PPL: variants seen among roughly 807,000 people sequenced by gnomAD.
The protein encoded by PPL is 190 kDa paraneoplastic pemphigus antigen.
In PPL, 198 loss-of-function variants were observed where a neutral mutation model predicts 194.4. The observed-to-expected ratio is 1.02, with a 90% confidence interval of 0.91 to 1.15. The LOEUF (loss-of-function observed/expected upper bound fraction) is 1.15. Among genes scored for constraint, PPL ranks in the 50% most tolerant of loss-of-function variants. The pLI, the probability that PPL is intolerant of heterozygous loss-of-function variation, is 0.00. For missense variants in PPL, 2,885 were observed against 2,294.8 expected, an observed-to-expected ratio of 1.26 and a Z score of -5.25; for synonymous variants, 1,220 against 972.4, an observed-to-expected ratio of 1.25 and a Z score of -4.74.
In PPL at chr16:4,884,448, G is replaced by C; in HGVS notation, c.4207C>G (p.Leu1403Val). ...QRRRTELERQ[L>V]EELERERQAR... Reference sequence around the variant, plus strand: ...TGCCGCTCGCGCTCTAGCTCCTCCAGCTGCCGCTCAAGCTCGGTGCGCCGG... The same window carrying C: ...TGCCGCTCGCGCTCTAGCTCCTCCACCTGCCGCTCAAGCTCGGTGCGCCGG... Residue 1403 changes from leucine (L) to valine (V), a missense_variant, in exon 22 of 22, where the codon CTG (leucine) becomes GTG (valine). Physicochemically the swap from Leu to Val is conservative, Grantham distance 32. Coordinates refer to ENST00000345988, the MANE Select transcript of PPL (RefSeq NM_002705.5). The surrounding 1 kb of genome is among the most constrained non-coding windows in gnomAD (Gnocchi z 5.7). 1.9e-6 allele frequency: 3 copies of C among 1,601,868 alleles called. No homozygotes were observed. Among genetic ancestry groups the C allele is most frequent in the Non-Finnish European group, 2.5e-6 (3 of 1,176,966 alleles).
At chr16:4,935,534 G>A (rs939499886) in intron 1 of PPL, among the ~76,000 whole-genome samples, 2 of 152,210 alleles carry the variant, frequency 1.3e-5, no homozygotes, top group African/African-American at 4.8e-5. Flanking sequence ...ATGGAGGAGG[G>A]GTGTGCAGGC....
At chr16:4,905,694 C>T (rs995799182) in intron 2 of PPL, among the ~76,000 whole-genome samples, 1 of 152,192 alleles carries the variant, frequency 6.6e-6, no homozygotes, top group African/African-American at 2.4e-5. Flanking sequence ...AAAGACTTGG[C>T]TTCTTCTTGG....
Position 4,884,115 on chromosome 16 carries a change from G to A in PPL, c.4540C>T (p.Gln1514Ter). 1 of 1,612,274 alleles carries A rather than the reference G, an allele frequency of 6.2e-7. No individual in the cohort carries two copies. The highest frequency in any genetic ancestry group is 8.5e-7 in the Non-Finnish European group (1 of 1,179,868). The change falls in exon 22 of 22, where the codon CAA becomes TAA. Residue 1514 changes from glutamine (Q) to a stop codon, truncating the protein, a stop_gained. Coordinates refer to ENST00000345988, the MANE Select transcript of PPL (RefSeq NM_002705.5). LOFTEE classifies it high-confidence loss of function. This position sits in a 1 kb window ranked among gnomAD's most constrained non-coding sequence, Gnocchi z 5.7. The part of the protein sequence containing the change: ...SVQVEKGDTE[Q>*]EIQRLKSSLE... ...CTGCTCTTGAGCCTCTGGATCTCTT[G>A]CTCGGTGTCGCCCTTCTCCACCTGG... is the stretch of plus-strand genomic sequence containing the variant.
In PPL at chr16:4,889,241, G is replaced by GGTTTTTTTTTTTTTTTTTTT. The variant is rs1442783436; in HGVS notation, c.2314-181_2314-180insAAAAAAAAAAAAAAAAAAAC. Among the ~76,000 whole-genome samples the GGTTTTTTTTTTTTTTTTTTT allele has an allele frequency of 3.0e-4, 20 of 66,634 alleles. 1 individual carries two copies. The highest frequency in any genetic ancestry group is 1.2e-3 in the South Asian group (2 of 1,684). The allele number at this position is 66,634 out of a possible 152,430, so 43.7% of individuals were successfully genotyped here. On this transcript the variant is annotated intron_variant, in intron 18 of 21. Transcript: ENST00000345988. The stretch of plus-strand genomic sequence containing the variant: ...AAAAGGCAGTTTTTTTGTTGTTGTT[G>GGTTTTTTTTTTTTTTTTTTT]TTTTTTTTTTTTTTTTTTTTTTTTT...
chr16:4,926,743 G>A (rs757749354), intron 1 of PPL, among the ~76,000 whole-genome samples: 77 of 152,000 alleles, frequency 5.1e-4, no homozygotes, highest in Admixed American at 5.2e-4. Flanking sequence ...GCCGGGCGTG[G>A]TGGCAGGCGT....
chr16:4,934,292 G>C (rs2089264348), intron 1 of PPL, among the ~76,000 whole-genome samples: 1 of 152,116 alleles, frequency 6.6e-6, no homozygotes, highest in East Asian at 1.9e-4. Flanking sequence ...AACTGGAAGG[G>C]GTGGCTTTCT....
chr16:4,896,430 A>G (rs1003462395), intron 9 of PPL, among the ~76,000 whole-genome samples: 1 of 152,212 alleles, frequency 6.6e-6, no homozygotes. Context: ...AAAATGCTAC[A>G]ACACGGATGA....
In PPL at chr16:4,885,128, T is replaced by TCC. The variant is rs1237472596; in HGVS notation, c.3525_3526dup (p.Glu1176GlyfsTer57). The TCC allele has an allele frequency of 1.9e-6, 3 of 1,613,858 alleles. No homozygotes were observed. Among genetic ancestry groups the TCC allele is most frequent in the African/African-American group, 1.3e-5 (1 of 74,896 alleles). ...CGCCTTGGGGTCTGGCCGCACGATC[T>TCC]CCCGCACCTTCTCCTGCACCACCAC... On this transcript the variant is annotated frameshift_variant, in exon 22 of 22. Coordinates refer to ENST00000345988, the MANE Select transcript of PPL (RefSeq NM_002705.5). LOFTEE classifies it high-confidence loss of function. This position sits in a 1 kb window ranked among gnomAD's most constrained non-coding sequence, Gnocchi z 6.3.
At chr16:4,898,620 G>A (rs139766893) in intron 8 of PPL, among the ~76,000 whole-genome samples, 16 of 152,222 alleles carry the variant, frequency 1.1e-4, no homozygotes, top group South Asian at 2.1e-4. Context: ...CCCAGAAGCC[G>A]GAAGAGCAAG....
chr16:4,913,790 G>C (rs556835504), intron 1 of PPL, among the ~76,000 whole-genome samples: 9 of 152,196 alleles, frequency 5.9e-5, no homozygotes, highest in Middle Eastern at 3.2e-3. Flanking sequence ...TAGCTCCCCT[G>C]TCTCCACTGA....
rs559992424 is a variant in PPL at position 4,900,698 on chromosome 16, A to G, written c.606+132T>C. On this transcript the variant is annotated intron_variant, in intron 6 of 21. Coordinates refer to ENST00000345988, the MANE Select transcript of PPL (RefSeq NM_002705.5). The stretch of plus-strand genomic sequence containing the variant: ...AGTGATCCTCCTGCCTCTGCCTCCC[A>G]AAGTGCTAGGCGTGAGCCACCATGC... 5.5e-6 allele frequency: 7 copies of G among 1,274,100 alleles called. No homozygotes were observed. In the Admixed American group the frequency reaches 7.6e-5, roughly 14 times the overall value. 78.9% of individuals were successfully genotyped at this position (1,274,100 alleles called of 1,614,324 possible).
chr16:4,897,126 G>A (rs1596553304), intron 9 of PPL, among the ~76,000 whole-genome samples: 1 of 151,746 alleles, frequency 6.6e-6, no homozygotes, highest in East Asian at 2.0e-4. Flanking sequence ...CCTGAGGTCA[G>A]GAGTTCGAGA....
Position 4,889,987 on chromosome 16 carries a change from G to C in PPL, c.2313+197C>G, listed in dbSNP as rs145648836. ...CTGTGCGGGGCACTGAGCTGGGAGA[G>C]GTGAGCGACACACTCGGTTCTTGTT... On this transcript the variant is annotated intron_variant, in intron 18 of 21. Coordinates refer to ENST00000345988, the MANE Select transcript of PPL (RefSeq NM_002705.5). 1.9e-4 allele frequency among the ~76,000 whole-genome samples: 29 copies of C among 152,382 alleles called. 1 individual carries two copies. The East Asian group carries it at 5.4e-3, about 28-fold the overall frequency.
intron 6 of PPL, among the ~76,000 whole-genome samples, chr16:4,899,635 G>A (rs1033704616): frequency 6.6e-6 from 1 of 152,116 alleles, no homozygotes; most frequent in African/African-American, 2.4e-5. Context: ...ACTACATGCT[G>A]GACATGGCTC....
chr16:4,895,746 A>G (rs2088415275), intron 9 of PPL, 30 bp from the exon 10 acceptor site: 3 of 1,613,272 alleles, frequency 1.9e-6, no homozygotes, highest in Non-Finnish European at 1.7e-6. Flanking sequence ...TGTTACAGCC[A>G]GGAAACCACT....
intron 1 of PPL, among the ~76,000 whole-genome samples, chr16:4,914,281 C>T (rs1241393510): frequency 2.0e-5 from 3 of 152,166 alleles, no homozygotes; most frequent in African/African-American, 4.8e-5. Context: ...TTCAGATTCC[C>T]GGCCACTAAC....
At chr16:4,916,614 T>C (rs2088921576) in intron 1 of PPL, among the ~76,000 whole-genome samples, 1 of 151,952 alleles carries the variant, frequency 6.6e-6, no homozygotes, top group South Asian at 2.1e-4. Flanking sequence ...CAAGCAATCT[T>C]TGTACCTCAG....
In PPL at chr16:4,884,445, C is replaced by T. The variant is rs372986845; in HGVS notation, c.4210G>A (p.Glu1404Lys). The stretch of plus-strand genomic sequence containing the variant: ...GCCTGCCGCTCGCGCTCTAGCTCCT[C>T]CAGCTGCCGCTCAAGCTCGGTGCGC... The part of the protein sequence containing the change: ...RRRTELERQL[E>K]ELERERQARR... The change falls in exon 22 of 22, where the codon GAG (glutamate) becomes AAG (lysine). Residue 1404 changes from glutamate to lysine, a missense_variant. Glu to Lys is a moderately conservative substitution (Grantham distance 56, BLOSUM62 1). Coordinates refer to ENST00000345988, the MANE Select transcript of PPL (RefSeq NM_002705.5). The surrounding 1 kb of genome is among the most constrained non-coding windows in gnomAD (Gnocchi z 5.7). The T allele has an allele frequency of 1.4e-5, 23 of 1,602,046 alleles. No homozygotes were observed. Among genetic ancestry groups the T allele is most frequent in the African/African-American group, 5.4e-5 (4 of 74,350 alleles).
chr16:4,924,484 C>G (rs911423464), intron 1 of PPL, among the ~76,000 whole-genome samples: 1 of 152,208 alleles, frequency 6.6e-6, no homozygotes, highest in African/African-American at 2.4e-5. Context: ...GATGGGCGCT[C>G]AGAGCATCTT....
Sources: allele counts gnomAD v4.1 joint callset (sites outside exome capture counted in the v4.1 genomes callset), GRCh38; gene constraint gnomAD v4.1.1; non-coding constraint Gnocchi (gnomAD v3.1); transcripts MANE v1.5; gene names NCBI Gene and HGNC (gene_info 2026-07-23, HGNC 2026-07-21).